The following KCNH1 variants were observed in gnomAD, a reference collection of about 807,000 sequenced individuals.
KCNH1 encodes voltage-gated delayed rectifier potassium channel KCNH1.
In KCNH1, 27 loss-of-function variants were observed where a neutral mutation model predicts 69.2. That is an observed-to-expected ratio of 0.39 (90% CI 0.29 to 0.54). The LOEUF is 0.54. Ranked by LOEUF, KCNH1 falls within the 20% of genes least tolerant of loss-of-function variation. The pLI is 0.68. For missense variants in KCNH1, 798 were observed against 1,261.6 expected (o/e 0.63, Z 5.57); for synonymous variants, 456 against 487.7 (o/e 0.93, Z 0.86).
chr1:211,028,394 G>C (rs1689721918), intron 5 of KCNH1, among the ~76,000 whole-genome samples: 1 of 151,230 alleles, frequency 6.6e-6, no homozygotes, highest in Non-Finnish European at 1.5e-5. Flanking sequence ...CCCACCTCAA[G>C]AATCTATCAA....
intron 10 of KCNH1, among the ~76,000 whole-genome samples, chr1:210,740,705 T>C (rs1030703696): frequency 3.7e-5 from 2 of 54,194 alleles, no homozygotes; most frequent in African/African-American, 3.6e-4. Context: ...TATGATTAAA[T>C]TTTTTTTTTT....
chr1:211,050,217 T>G (rs973055212), intron 5 of KCNH1, among the ~76,000 whole-genome samples: 2 of 138,220 alleles, frequency 1.4e-5, no homozygotes, highest in African/African-American at 5.4e-5. Flanking sequence ...CGACTTGGGT[T>G]TTTATGACTA....
At chr1:210,982,221 TTTATTATTATTA>T (rs57676423) in intron 6 of KCNH1, among the ~76,000 whole-genome samples, 10 of 131,110 alleles carry the variant, frequency 7.6e-5, no homozygotes, top group African/African-American at 2.1e-4. Context: ...CGAGAATACT[TTTATTATTATTA>T]TTATTATTAT....
intron 10 of KCNH1, among the ~76,000 whole-genome samples, chr1:210,704,341 T>TATC (rs1681853588): frequency 6.6e-6 from 1 of 152,178 alleles, no homozygotes; most frequent in Admixed American, 6.5e-5. Flanking sequence ...TTAGTAGGCC[T>TATC]ATCACAGCCT....
chr1:210,807,166 C>T (rs189273018), intron 7 of KCNH1, among the ~76,000 whole-genome samples: 13 of 151,964 alleles, frequency 8.6e-5, no homozygotes, highest in Admixed American at 3.3e-4. Flanking sequence ...CATTTTATCA[C>T]GTGTAGATTC....
At chr1:211,086,869 C>T (rs1286462367) in intron 4 of KCNH1, among the ~76,000 whole-genome samples, 2 of 152,172 alleles carry the variant, frequency 1.3e-5, no homozygotes. Context: ...ATCCAAACAT[C>T]CAGCAAAGAA....
intron 6 of KCNH1, among the ~76,000 whole-genome samples, chr1:211,006,130 T>C (rs1689279927): frequency 6.6e-6 from 1 of 152,206 alleles, no homozygotes; most frequent in South Asian, 2.1e-4. Context: ...GTGGAAACTC[T>C]CATGTATTGC....
At chr1:210,728,287 A>C (rs1478551010) in intron 10 of KCNH1, among the ~76,000 whole-genome samples, 1 of 152,202 alleles carries the variant, frequency 6.6e-6, no homozygotes, top group Non-Finnish European at 1.5e-5. Flanking sequence ...GCCTGAGACC[A>C]CATGAAAGAG....
chr1:211,109,462 A>G (rs1691419547), intron 1 of KCNH1, among the ~76,000 whole-genome samples: 1 of 152,242 alleles, frequency 6.6e-6, no homozygotes, highest in African/African-American at 2.4e-5. Context: ...TACAGTATTT[A>G]CTAAATTACT....
intron 7 of KCNH1, among the ~76,000 whole-genome samples, chr1:210,851,826 A>G (rs1478064417): frequency 3.9e-5 from 6 of 152,252 alleles, no homozygotes; most frequent in Admixed American, 3.3e-4. Flanking sequence ...AAAATATGGT[A>G]TTATAACATA....
At chr1:210,703,595 C>T (rs1037130347) in intron 10 of KCNH1, among the ~76,000 whole-genome samples, 1 of 152,266 alleles carries the variant, frequency 6.6e-6, no homozygotes, top group African/African-American at 2.4e-5. Flanking sequence ...TACTTATTAA[C>T]ATATATTTGC....
At chr1:210,838,583 T>G (rs1207212537) in intron 7 of KCNH1, among the ~76,000 whole-genome samples, 3 of 152,062 alleles carry the variant, frequency 2.0e-5, no homozygotes, top group Non-Finnish European at 4.4e-5. Flanking sequence ...CTAATTAAAC[T>G]AAAGAGCTTC....
intron 5 of KCNH1, among the ~76,000 whole-genome samples, chr1:211,080,951 G>C (rs1690844939): frequency 6.6e-6 from 1 of 152,086 alleles, no homozygotes; most frequent in Admixed American, 6.5e-5. Flanking sequence ...GGCAACAAAA[G>C]CCAAAATAGA....
At chr1:210,729,669 A>T (rs762077276) in intron 10 of KCNH1, among the ~76,000 whole-genome samples, 23 of 152,236 alleles carry the variant, frequency 1.5e-4, no homozygotes, top group Non-Finnish European at 3.2e-4. Context: ...ACTTATTATG[A>T]AAAGTAAATC....
At chr1:210,917,221 G>GAA (rs67344915) in intron 7 of KCNH1, among the ~76,000 whole-genome samples, 5,865 of 108,928 alleles carry the variant, frequency 0.054, 128 homozygotes, top group Non-Finnish European at 0.059. Flanking sequence ...GAGAGAGAGA[G>GAA]AGAGAGAGAG....
intron 10 of KCNH1, among the ~76,000 whole-genome samples, chr1:210,704,955 C>T (rs879307747): frequency 1.1e-4 from 16 of 152,066 alleles, no homozygotes; most frequent in Non-Finnish European, 1.9e-4. Flanking sequence ...CTTCCCTTCT[C>T]TGGGGTTTGT....
rs189157359 is a variant in KCNH1, at chr1:210,951,796, C to A, written c.1033-31727G>T. 5.6e-3 allele frequency among the ~76,000 whole-genome samples: 848 copies of A among 152,156 alleles called. 11 individuals are homozygous for A. The highest frequency in any genetic ancestry group is 0.019 in the African/African-American group (805 of 41,500). ...AACCATATCAGTACAAATAGAATAA[C>A]CCCCTGACTGAACTCAGGCCATCTC... On this transcript the variant is annotated intron_variant, in intron 6 of 10. Transcript: ENST00000271751.
intron 10 of KCNH1, among the ~76,000 whole-genome samples, chr1:210,748,598 T>G (rs983824398): frequency 6.6e-6 from 1 of 152,160 alleles, no homozygotes; most frequent in Non-Finnish European, 1.5e-5. Context: ...CAAAATACAT[T>G]GCTCCCCTAG....
chr1:210,696,778 G>C (rs10494928), intron 10 of KCNH1, among the ~76,000 whole-genome samples: 1 of 152,018 alleles, frequency 6.6e-6, no homozygotes, highest in Admixed American at 6.6e-5. Flanking sequence ...TTCTCATTCA[G>C]AGGATCTGCT....
Sources: allele counts gnomAD v4.1 joint callset (sites outside exome capture counted in the v4.1 genomes callset), GRCh38; gene constraint gnomAD v4.1.1; transcripts MANE v1.5; gene names NCBI Gene and HGNC (gene_info 2026-07-23, HGNC 2026-07-21).